TRIM54: variants seen among roughly 807,000 people sequenced by gnomAD.
TRIM54 encodes the protein tripartite motif containing 54.
A neutral mutation model predicts 42.0 loss-of-function variants in TRIM54; 40 were observed. The observed-to-expected ratio is 0.95, with a 90% CI of 0.74 to 1.24. TRIM54 has a LOEUF of 1.24. Among genes scored for constraint, TRIM54 ranks in the 50% most tolerant of loss-of-function variants. The pLI, the probability that TRIM54 is intolerant of heterozygous loss-of-function variation, is 0.00. For missense variants in TRIM54, 485 were observed against 480.3 expected, an observed-to-expected ratio of 1.01 and a Z score of -0.09; for synonymous variants, 199 against 194.9, an observed-to-expected ratio of 1.02 and a Z score of -0.17.
chr2:27,285,820 G>C (rs1678541652), intron 1 of TRIM54, among the ~76,000 whole-genome samples: 5 of 152,110 alleles, frequency 3.3e-5, no homozygotes, highest in Admixed American at 3.3e-4. Flanking sequence ...GGTTTTCTGT[G>C]TTTTGTTGTC....
intron 3 of TRIM54, among the ~76,000 whole-genome samples, chr2:27,303,796 A>G (rs1225993953): frequency 6.6e-6 from 1 of 152,228 alleles, no homozygotes; most frequent in Non-Finnish European, 1.5e-5. Context: ...ATACAGATTT[A>G]GGACCCCCCA....
chr2:27,295,765 A>G (rs1678851240), intron 1 of TRIM54, among the ~76,000 whole-genome samples: 1 of 152,162 alleles, frequency 6.6e-6, no homozygotes, highest in Non-Finnish European at 1.5e-5. Context: ...AAATATCTCT[A>G]TATGCTTGCC....
rs1170360049 is a variant in TRIM54, at chr2:27,299,388, C to T, written c.485C>T (p.Pro162Leu). 1.2e-6 allele frequency: 2 copies of T among 1,613,956 alleles called. No individual in the cohort carries two copies. Among genetic ancestry groups the T allele is most frequent in the African/African-American group, 1.3e-5 (1 of 74,908 alleles). ...FGAHKDCEVAPLPTIYKRQKS... is the reference protein window; with the variant it reads ...FGAHKDCEVALLPTIYKRQKS... The stretch of plus-strand genomic sequence containing the variant: ...GCCCACAAGGACTGTGAGGTGGCCC[C>T]ACTGCCCACCATTTACAAACGCCAG... Residue 162 changes from proline (P) to leucine (L), a missense_variant, in exon 3 of 9, where the codon CCA becomes CTA. Coordinates refer to ENST00000380075, the MANE Select transcript of TRIM54 (RefSeq NM_187841.3).
chr2:27,284,565 G>A (rs574894256), intron 1 of TRIM54, among the ~76,000 whole-genome samples: 3 of 152,042 alleles, frequency 2.0e-5, no homozygotes, highest in African/African-American at 7.2e-5. Context: ...TAGACCAAAT[G>A]CTGTGCCTCC....
chr2:27,289,246 A>G (rs548141414), intron 1 of TRIM54, among the ~76,000 whole-genome samples: 1 of 152,324 alleles, frequency 6.6e-6, no homozygotes, highest in African/African-American at 2.4e-5. Flanking sequence ...GCAATATAAT[A>G]CATATGGTTA....
intron 3 of TRIM54, among the ~76,000 whole-genome samples, chr2:27,302,625 C>T (rs1026327214): frequency 1.3e-5 from 2 of 151,784 alleles, no homozygotes; most frequent in African/African-American, 4.8e-5. Flanking sequence ...AACCCTTTCT[C>T]TACTAAAAAT....
At position 27,282,903 on chromosome 2, in the gene TRIM54, G is replaced by A. The variant is rs576431907; in HGVS notation, c.168+4G>A. On this transcript the variant is annotated splice_donor_region_variant and intron_variant, in intron 1 of 8. Coordinates refer to ENST00000380075, the MANE Select transcript of TRIM54 (RefSeq NM_187841.3). ...ATGTGCCAACGACGTCTTCCAGGTGGGTGCCAGGGACGGGGCAGGGCCAGG... is the reference window on the plus strand; with the variant it reads ...ATGTGCCAACGACGTCTTCCAGGTGAGTGCCAGGGACGGGGCAGGGCCAGG... 1.2e-6 allele frequency: 2 copies of A among 1,609,466 alleles called. No homozygotes were observed. The highest frequency in any genetic ancestry group is 2.7e-5 in the African/African-American group (2 of 75,044).
chr2:27,298,240 T>G (rs1678921404), intron 1 of TRIM54, among the ~76,000 whole-genome samples: 1 of 152,160 alleles, frequency 6.6e-6, no homozygotes, highest in Non-Finnish European at 1.5e-5. Flanking sequence ...TGCCTCAGCC[T>G]TATTGCCAAG....
At chr2:27,298,870 C>T in intron 2 of TRIM54, 131 bp downstream of exon 2, 1 of 1,028,886 alleles carries the variant, frequency 9.7e-7, no homozygotes, top group Non-Finnish European at 1.4e-6. Flanking sequence ...AGGACTGGAT[C>T]CGGAGAGGGA....
In TRIM54 at chr2:27,306,490, C is replaced by G. The variant is rs764894878; in HGVS notation, c.1026C>G (p.Asp342Glu). 5.7e-6 allele frequency: 9 copies of G among 1,585,182 alleles called. No individual in the cohort carries two copies. The highest frequency in any genetic ancestry group is 6.9e-6 in the Non-Finnish European group (8 of 1,165,342). Residue 342 changes from aspartate (D) to glutamate (E), a missense_variant, in exon 8 of 9, where the codon GAC (aspartate) becomes GAG (glutamate). By Grantham distance (45) the Asp-to-Glu change is conservative. Coordinates refer to ENST00000380075, the MANE Select transcript of TRIM54 (RefSeq NM_187841.3). This position sits in a 1 kb window ranked among gnomAD's most constrained non-coding sequence, Gnocchi z 6.1. Reference sequence around the variant, plus strand: ...GGGAGGAAGAGGAGGTGGCCCCAGACGGAGAGGAGGGCAGCGCGGGGCCGG... The same window carrying G: ...GGGAGGAAGAGGAGGTGGCCCCAGAGGGAGAGGAGGGCAGCGCGGGGCCGG... ...ASGEEEEVAP[D>E]GEEGSAGPEE...
Position 27,298,551 on chromosome 2 carries a change from C to A in TRIM54, c.169-16C>A. ...GCCTCCCCGTGCCTGTTCTCTCAAGCCATCTGTCCCTGCAGGCCTCGAATC... is the reference window on the plus strand; with the variant it reads ...GCCTCCCCGTGCCTGTTCTCTCAAGACATCTGTCCCTGCAGGCCTCGAATC... On this transcript the variant is annotated splice_polypyrimidine_tract_variant and intron_variant, in intron 1 of 8. Coordinates refer to ENST00000380075, the MANE Select transcript of TRIM54 (RefSeq NM_187841.3). The A allele has an allele frequency of 6.2e-7, 1 of 1,605,888 alleles. No individual in the cohort carries two copies. The highest frequency in any genetic ancestry group is 8.5e-7 in the Non-Finnish European group (1 of 1,174,004).
chr2:27,297,093 C>T (rs1364087279), intron 1 of TRIM54, among the ~76,000 whole-genome samples: 1 of 152,138 alleles, frequency 6.6e-6, no homozygotes, highest in Non-Finnish European at 1.5e-5. Flanking sequence ...ACTCAGGGCA[C>T]TTATTATTAA....
chr2:27,298,005 C>T (rs904543441), intron 1 of TRIM54, among the ~76,000 whole-genome samples: 27 of 137,928 alleles, frequency 2.0e-4, no homozygotes, highest in African/African-American at 6.1e-4. Context: ...AAAAAAAGGC[C>T]GGGGGGAGGG....
intron 1 of TRIM54, among the ~76,000 whole-genome samples, chr2:27,292,446 C>T (rs1182119540): frequency 1.3e-5 from 2 of 152,148 alleles, no homozygotes; most frequent in Non-Finnish European, 2.9e-5. Context: ...TGGTGGCACA[C>T]CTGCAGTCCC....
At chr2:27,289,764 C>G (rs56159908) in intron 1 of TRIM54, among the ~76,000 whole-genome samples, 1 of 151,360 alleles carries the variant, frequency 6.6e-6, no homozygotes, top group South Asian at 2.1e-4. Context: ...CACCTGCAGT[C>G]TCAGGTACTC....
chr2:27,283,944 C>A (rs1003311962), intron 1 of TRIM54, among the ~76,000 whole-genome samples: 2 of 152,090 alleles, frequency 1.3e-5, no homozygotes, highest in Non-Finnish European at 2.9e-5. Flanking sequence ...ACCAGCTTGG[C>A]CAATATGGTA....
chr2:27,291,448 G>GT (rs59126752), intron 1 of TRIM54, among the ~76,000 whole-genome samples: 5 of 152,134 alleles, frequency 3.3e-5, no homozygotes, highest in East Asian at 3.8e-4. Flanking sequence ...AAAATTGTCA[G>GT]TTTTTTGTGG....
At chr2:27,292,917 T>C (rs1159372850) in intron 1 of TRIM54, among the ~76,000 whole-genome samples, 2 of 152,270 alleles carry the variant, frequency 1.3e-5, no homozygotes, top group East Asian at 3.8e-4. Flanking sequence ...GTGACTTTTA[T>C]CAGCATCATC....
At chr2:27,303,233 C>T (rs1220149047) in intron 3 of TRIM54, among the ~76,000 whole-genome samples, 1 of 152,046 alleles carries the variant, frequency 6.6e-6, no homozygotes, top group Non-Finnish European at 1.5e-5. Flanking sequence ...CCTCCAAACC[C>T]CTAAAAGGAG....
Sources: gnomAD v4.1 joint callset for allele counts (sites outside exome capture counted in the v4.1 genomes callset) on GRCh38, gnomAD v4.1.1 for gene constraint, Gnocchi (gnomAD v3.1) non-coding constraint, MANE v1.5 for transcripts, NCBI Gene and HGNC (gene_info 2026-07-23, HGNC 2026-07-21) for gene names.